The following TICRR variants were observed in gnomAD, a reference collection of about 807,000 sequenced individuals.
The protein encoded by TICRR is TOPBP1 interacting checkpoint and replication regulator.
A neutral mutation model predicts 178.1 loss-of-function variants in TICRR; 132 were observed. The observed-to-expected ratio is 0.74, with a 90% CI of 0.64 to 0.86. The LOEUF (loss-of-function observed/expected upper bound fraction) is 0.86. TICRR is among the 40% of genes least tolerant of loss of function. The pLI is 0.00. For synonymous variants in TICRR, 991 were observed against 900.7 expected, an observed-to-expected ratio of 1.10 and a Z score of -1.79; for missense variants, 2,587 against 2,334.3, an observed-to-expected ratio of 1.11 and a Z score of -2.23.
At chr15:89,585,464 CA>C (rs1962804525) in intron 3 of TICRR, among the ~76,000 whole-genome samples, 1 of 152,066 alleles carries the variant, frequency 6.6e-6, no homozygotes, top group Non-Finnish European at 1.5e-5. Flanking sequence ...ATTCAGTAAG[CA>C]CATAGTAAAT....
rs746901040 is a variant in TICRR at position 89,601,504 on chromosome 15, C to T, written c.2263C>T (p.Arg755Cys). 2.5e-5 allele frequency: 40 copies of T among 1,614,008 alleles called. No individual in the cohort carries two copies. The highest frequency in any genetic ancestry group is 2.7e-5 in the African/African-American group (2 of 74,908). ...TCTCCTTCAGGTGACAGATTTGCTG[C>T]GCATGGTGTGTTTAACTGAGGATTC... ...QVVEEVTDLL[R>C]MVCLTEDSAY... The change falls in exon 11 of 22, where the codon CGC becomes TGC. Residue 755 changes from arginine to cysteine, a missense_variant. Arg to Cys is a radical substitution (Grantham distance 180). Transcript: ENST00000268138.
intron 21 of TICRR, 39 bp downstream of exon 21, chr15:89,626,100 A>G (rs55653159): frequency 0.32 from 504,876 of 1,601,396 alleles, 82,490 homozygotes; most frequent in Middle Eastern, 0.37. Context: ...TTCCTGTGAC[A>G]GACTGTCTGA....
intron 15 of TICRR, among the ~76,000 whole-genome samples, chr15:89,615,920 T>C (rs1253735597): frequency 1.3e-5 from 2 of 151,930 alleles, no homozygotes; most frequent in Non-Finnish European, 2.9e-5. Flanking sequence ...AGTCTCCCTC[T>C]GTTGCCCAGG....
At chr15:89,600,526 GA>G (rs2141964678) in intron 8 of TICRR, 58 bp from the exon 9 acceptor site, 1 of 758,536 alleles carries the variant, frequency 1.3e-6, no homozygotes, top group South Asian at 2.4e-5. Flanking sequence ...AACTGTGAAA[GA>G]AATTAGAAAT....
At chr15:89,592,279 A>G in intron 5 of TICRR, 103 bp downstream of exon 5, 1 of 940,716 alleles carries the variant, frequency 1.1e-6, no homozygotes, top group Admixed American at 2.6e-5. Flanking sequence ...TAGTCTAATA[A>G]TATTAAAAAG....
rs775346454 is a variant in TICRR, at chr15:89,601,531, G to A, written c.2290G>A (p.Ala764Thr). ...CATGGTGTGTTTAACTGAGGATTCA[G>A]CGTACCTAGCAGAGTTTCTGGAGGA... ...LRMVCLTEDS[A>T]YLAEFLEEIL... The change falls in exon 11 of 22, where the codon GCG (alanine) becomes ACG (threonine). Residue 764 changes from alanine (A) to threonine (T), a missense_variant. Coordinates refer to ENST00000268138, the MANE Select transcript of TICRR (RefSeq NM_152259.4). 1.2e-6 allele frequency: 2 copies of A among 1,614,208 alleles called. No individual in the cohort carries two copies. Among genetic ancestry groups the A allele is most frequent in the South Asian group, 1.1e-5 (1 of 91,084 alleles).
intron 1 of TICRR, among the ~76,000 whole-genome samples, chr15:89,578,396 G>A (rs879336749): frequency 6.6e-6 from 1 of 152,122 alleles, no homozygotes; most frequent in Non-Finnish European, 1.5e-5. Flanking sequence ...GTCAAGAAAA[G>A]GAAGGGACAA....
At position 89,575,957 on chromosome 15, in the gene TICRR, C is replaced by G. The variant is rs780697286; in HGVS notation, c.371C>G (p.Pro124Arg). The G allele has an allele frequency of 1.9e-6, 3 of 1,602,856 alleles. No homozygotes were observed. The highest frequency in any genetic ancestry group is 1.1e-5 in the South Asian group (1 of 89,882). Residue 124 changes from proline to arginine, a missense_variant, in exon 1 of 22, where the codon CCG becomes CGG. Physicochemically the swap from Pro to Arg is moderately radical, Grantham distance 103. Transcript: ENST00000268138. ...CCCGAGATCACGTCGCCCACGAAGCCGATCCTGCGGAGCAGCGGGAGGAGA... is the reference window on the plus strand; with the variant it reads ...CCCGAGATCACGTCGCCCACGAAGCGGATCCTGCGGAGCAGCGGGAGGAGA... ...DRPEITSPTK[P>R]ILRSSGRRLL...
chr15:89,606,719 T>G (rs1295404089), intron 13 of TICRR, 49 bp from the exon 14 acceptor site: 1 of 1,454,894 alleles, frequency 6.9e-7, no homozygotes, highest in African/African-American at 1.4e-5. Context: ...TTCTTTTATT[T>G]CAATGAATGC....
chr15:89,584,668 G>A, intron 3 of TICRR, 141 bp downstream of exon 3: 1 of 838,436 alleles, frequency 1.2e-6, no homozygotes. Context: ...TGACATTATA[G>A]TATCATGACA....
At chr15:89,623,032 A>G (rs1963452098) in intron 19 of TICRR, among the ~76,000 whole-genome samples, 1 of 152,278 alleles carries the variant, frequency 6.6e-6, no homozygotes, top group African/African-American at 2.4e-5. Flanking sequence ...GCTGTAGGAA[A>G]GATAAGCATT....
At position 89,575,920 on chromosome 15, in the gene TICRR, C is replaced by T; in HGVS notation, c.334C>T (p.Gln112Ter). Residue 112 changes from glutamine (Q) to a stop codon, truncating the protein, a stop_gained, in exon 1 of 22, where the codon CAG (glutamine) becomes TAG (stop). Coordinates refer to ENST00000268138, the MANE Select transcript of TICRR (RefSeq NM_152259.4). LOFTEE classifies it high-confidence loss of function. ...CCTGATGGAGACGCTGCTAGACTAC[C>T]AGTGGGACCGGCCCGAGATCACGTC... ...GALMETLLDY[Q>*]WDRPEITSPT... is the part of the protein sequence containing the mutation. The T allele has an allele frequency of 6.3e-7, 1 of 1,593,596 alleles. No individual in the cohort carries two copies. The highest frequency in any genetic ancestry group is 1.7e-4 in the Middle Eastern group (1 of 6,030).
At chr15:89,613,376 TTGATTA>T (rs750188146) in intron 15 of TICRR, among the ~76,000 whole-genome samples, 51 of 152,338 alleles carry the variant, frequency 3.3e-4, no homozygotes, top group Non-Finnish European at 5.0e-4. Context: ...TTTTGATAGT[TTGATTA>T]TGATTTGTCT....
chr15:89,579,688 T>C (rs181589416), intron 1 of TICRR: 1 of 152,208 alleles, frequency 6.6e-6, no homozygotes, highest in East Asian at 1.9e-4. Flanking sequence ...CCAAAACTCA[T>C]GGAGTAATGG....
At chr15:89,584,254 G>T in intron 2 of TICRR, 32 bp from the exon 3 acceptor site, 9 of 1,521,628 alleles carry the variant, frequency 5.9e-6, no homozygotes, top group East Asian at 4.7e-5. Flanking sequence ...ATTTTAATTT[G>T]GCATCCTGGT....
intron 7 of TICRR, 83 bp from the exon 8 acceptor site, chr15:89,599,241 C>T: frequency 9.0e-6 from 8 of 891,334 alleles, no homozygotes; most frequent in Admixed American, 6.8e-5. Context: ...GAAATATTTT[C>T]CCCAGTGGAC....
chr15:89,592,296 C>A, intron 5 of TICRR, 120 bp downstream of exon 5: 1 of 768,432 alleles, frequency 1.3e-6, no homozygotes, highest in Admixed American at 3.0e-5. Flanking sequence ...AAAGTAGTTA[C>A]AAAAATAAAA....
intron 1 of TICRR, among the ~76,000 whole-genome samples, chr15:89,580,504 T>C (rs983553390): frequency 6.6e-6 from 1 of 152,232 alleles, no homozygotes; most frequent in Non-Finnish European, 1.5e-5. Context: ...AACACAGATA[T>C]AGATACATGG....
At chr15:89,598,604 T>C (rs1041909942) in intron 7 of TICRR, among the ~76,000 whole-genome samples, 1 of 151,484 alleles carries the variant, frequency 6.6e-6, no homozygotes, top group Non-Finnish European at 1.5e-5. Context: ...CCTCAGGTGA[T>C]CCACCCACCT....
Sources: gnomAD v4.1 joint callset for allele counts (sites outside exome capture counted in the v4.1 genomes callset) on GRCh38, gnomAD v4.1.1 for gene constraint, MANE v1.5 for transcripts, NCBI Gene and HGNC (gene_info 2026-07-23, HGNC 2026-07-21) for gene names.